ORC1: variants seen among roughly 807,000 people sequenced by gnomAD.
The protein encoded by ORC1 is origin recognition complex, subunit 1 homolog.
A neutral mutation model predicts 98.9 loss-of-function variants in ORC1; 61 were observed. The observed-to-expected ratio is 0.62, with a 90% CI of 0.50 to 0.76. The LOEUF is 0.76. Among genes scored for constraint, ORC1 ranks in the 30% least tolerant of loss-of-function variants. The pLI, the probability that ORC1 is intolerant of heterozygous loss-of-function variation, is 0.00. For missense variants in ORC1, 979 were observed against 1,072.2 expected, an observed-to-expected ratio of 0.91 and a Z score of 1.21; for synonymous variants, 385 against 406.9, an observed-to-expected ratio of 0.95 and a Z score of 0.65.
At chr1:52,401,525 T>C (rs1647708287) in intron 2 of ORC1, 36 bp from the exon 3 acceptor site, 2 of 1,612,220 alleles carry the variant, frequency 1.2e-6, no homozygotes, top group Non-Finnish European at 1.7e-6. Context: ...AGGAAATAAC[T>C]TAAAGTGGGT....
chr1:52,397,059 G>C (rs915494205), intron 4 of ORC1, among the ~76,000 whole-genome samples: 1 of 152,058 alleles, frequency 6.6e-6, no homozygotes, highest in Non-Finnish European at 1.5e-5. Flanking sequence ...CACTCCTTTA[G>C]CTTTCTCTCC....
At chr1:52,384,805 C>G in intron 10 of ORC1, 84 bp from the exon 11 acceptor site, 2 of 1,244,914 alleles carry the variant, frequency 1.6e-6, no homozygotes, top group Non-Finnish European at 2.3e-6. Flanking sequence ...GGAATGTATA[C>G]TGAGGGAAGG....
At chr1:52,373,940 C>T (rs905197256) in intron 16 of ORC1, among the ~76,000 whole-genome samples, 42 of 152,206 alleles carry the variant, frequency 2.8e-4, no homozygotes, top group South Asian at 8.3e-4. Flanking sequence ...CCCTAACGTT[C>T]TCTACTGGGT....
chr1:52,403,833 A>G (rs1478499596), intron 1 of ORC1, among the ~76,000 whole-genome samples: 1 of 152,134 alleles, frequency 6.6e-6, no homozygotes, highest in Non-Finnish European at 1.5e-5. Context: ...CCTGGGCGCA[A>G]TTTACGTCCG....
upstream of ORC1, among the ~76,000 whole-genome samples, chr1:52,406,015 GTCTC>G (rs1385841834): frequency 6.6e-6 from 1 of 152,144 alleles, no homozygotes. Flanking sequence ...TGGAAACAGA[GTCTC>G]TCTGTGTTGC....
chr1:52,397,905 A>C, intron 3 of ORC1, 42 bp from the exon 4 acceptor site: 539 of 1,561,890 alleles, frequency 3.5e-4, no homozygotes, highest in Non-Finnish European at 4.4e-4. Context: ...AAGACAACTC[A>C]AGGACACTTT....
intron 14 of ORC1, 145 bp from the exon 15 acceptor site, chr1:52,375,744 T>C: frequency 1.3e-6 from 1 of 753,612 alleles, no homozygotes; most frequent in Non-Finnish European, 2.3e-6. Flanking sequence ...AATGAATTAT[T>C]ACATTGTGCA....
At chr1:52,385,047 G>T (rs1226216153) in intron 10 of ORC1, 114 bp downstream of exon 10, 2 of 802,074 alleles carry the variant, frequency 2.5e-6, no homozygotes, top group Non-Finnish European at 4.5e-6. Context: ...GCAACGATTT[G>T]GTCTAGTCTG....
chr1:52,392,940 A>G (rs1647254095), intron 6 of ORC1, among the ~76,000 whole-genome samples: 1 of 152,226 alleles, frequency 6.6e-6, no homozygotes, highest in Non-Finnish European at 1.5e-5. Context: ...AAAAGACTAC[A>G]TATAGGGTAC....
At chr1:52,394,393 G>T (rs1252066369) in intron 5 of ORC1, among the ~76,000 whole-genome samples, 1 of 152,162 alleles carries the variant, frequency 6.6e-6, no homozygotes, top group African/African-American at 2.4e-5. Context: ...TGTGCCAGGG[G>T]CTGAGGTTAA....
intron 6 of ORC1, among the ~76,000 whole-genome samples, chr1:52,391,283 T>G (rs1569938336): frequency 7.5e-6 from 1 of 133,642 alleles, no homozygotes; most frequent in Non-Finnish European, 1.5e-5. Context: ...CACTCCAGCC[T>G]GGGCGTCAGA....
chr1:52,386,992 G>T (rs1206057904), intron 8 of ORC1, among the ~76,000 whole-genome samples: 1 of 152,128 alleles, frequency 6.6e-6, no homozygotes. Context: ...ATTAATTTTG[G>T]AGAAAACAGA....
At chr1:52,384,465 T>C (rs1475199026) in intron 11 of ORC1, 85 bp downstream of exon 11, 63 of 1,232,944 alleles carry the variant, frequency 5.1e-5, no homozygotes, top group Non-Finnish European at 7.1e-5. Context: ...GAACATGCAA[T>C]ACACGCAAAA....
chr1:52,384,533 T>A lies in ORC1; in HGVS notation c.1755+17A>T. The A allele has an allele frequency of 1.2e-6, 2 of 1,613,024 alleles. No individual in the cohort carries two copies. Among genetic ancestry groups the A allele is most frequent in the South Asian group, 1.1e-5 (1 of 91,070 alleles). ...AAGAAACAGCATTTTCCAAAAAGCC[T>A]AAACAGCTCTGCTTACCTGCAAGAT... On this transcript the variant is annotated intron_variant, in intron 11 of 16. Transcript: ENST00000371568.
chr1:52,406,683 C>T (rs1009734731), upstream of ORC1, among the ~76,000 whole-genome samples: 6 of 152,170 alleles, frequency 3.9e-5, no homozygotes, highest in African/African-American at 1.4e-4. Context: ...ACCGTATTAC[C>T]GATTCTCGAG....
chr1:52,379,961 T>A (rs1489801702), intron 14 of ORC1, among the ~76,000 whole-genome samples: 1 of 151,910 alleles, frequency 6.6e-6, no homozygotes, highest in Non-Finnish European at 1.5e-5. Flanking sequence ...ACAAAGGAAA[T>A]TTATTCTCAA....
chr1:52,385,910 G>A lies in ORC1; in HGVS notation c.1423C>T (p.Arg475Cys), dbSNP rs142492205. Residue 475 changes from arginine (R) to cysteine (C), a missense_variant, in exon 9 of 17, where the codon CGT becomes TGT. By Grantham distance (180) the Arg-to-Cys change is radical. Coordinates refer to ENST00000371568, the MANE Select transcript of ORC1 (RefSeq NM_004153.4). ...TCCTGGGCAGCCAGGCTTCGACTAC[G>A]GATCTGAGGAGCGGCACAACGTGGC... Reference protein sequence around the residue: ...RTPRCAAPQIRSRSLAAQEPA... With the variant: ...RTPRCAAPQICSRSLAAQEPA... The A allele has an allele frequency of 1.9e-5, 31 of 1,613,654 alleles. No individual in the cohort carries two copies. In the Admixed American group the frequency reaches 4.7e-4, roughly 24 times the overall value.
At chr1:52,399,075 G>A (rs988594508) in intron 3 of ORC1, among the ~76,000 whole-genome samples, 2 of 152,148 alleles carry the variant, frequency 1.3e-5, no homozygotes, top group South Asian at 2.1e-4. Context: ...CTATCAGCCG[G>A]CAAAGGAATG....
intron 5 of ORC1, 103 bp downstream of exon 5, chr1:52,395,943 G>A (rs1441036192): frequency 1.9e-6 from 3 of 1,549,198 alleles, no homozygotes; most frequent in Admixed American, 3.8e-5. Context: ...CCAGGCTATA[G>A]TGCACTGTGA....
Sources: gnomAD v4.1 joint callset for allele counts (sites outside exome capture counted in the v4.1 genomes callset) on GRCh38, gnomAD v4.1.1 for gene constraint, MANE v1.5 for transcripts, NCBI Gene and HGNC (gene_info 2026-07-23, HGNC 2026-07-21) for gene names.